The following ZNF566 variants were observed in gnomAD, a reference collection of about 807,000 sequenced individuals.
ZNF566 encodes zinc finger protein 566.
A neutral mutation model predicts 32.8 loss-of-function variants in ZNF566; 27 were observed. That is an observed-to-expected ratio of 0.82 (90% CI 0.61 to 1.14). ZNF566 has a LOEUF of 1.14. Ranked by LOEUF, ZNF566 falls within the 50% of genes most tolerant of loss-of-function variation. The probability of loss-of-function intolerance (pLI) is 0.00; values close to 1 mark genes in which losing one functional copy is unlikely to be tolerated. For synonymous variants in ZNF566, 154 were observed against 159.5 expected, an observed-to-expected ratio of 0.97 and a Z score of 0.26; for missense variants, 402 against 490.4, an observed-to-expected ratio of 0.82 and a Z score of 1.70.
chr19:36,484,943 G>A (rs1391663985), intron 1 of ZNF566, among the ~76,000 whole-genome samples: 1 of 151,932 alleles, frequency 6.6e-6, no homozygotes, highest in African/African-American at 2.4e-5. Flanking sequence ...AATAAAATGG[G>A]AAAAACAGTG....
At chr19:36,478,221 C>T (rs188771852) in intron 1 of ZNF566, among the ~76,000 whole-genome samples, 2 of 152,126 alleles carry the variant, frequency 1.3e-5, no homozygotes, top group East Asian at 3.9e-4. Context: ...CCTAAATGCA[C>T]GCTGATATTA....
chr19:36,480,746 G>A (rs748986866), intron 1 of ZNF566, among the ~76,000 whole-genome samples: 2 of 151,118 alleles, frequency 1.3e-5, no homozygotes, highest in Non-Finnish European at 1.5e-5. Context: ...TAAAAGCTTC[G>A]GGGCCAGGCG....
rs1266100042 is a variant in ZNF566 at position 36,477,539 on chromosome 19, TTGTTTGTTTG to T, written c.-59-933_-59-924del. 4.9e-4 allele frequency among the ~76,000 whole-genome samples: 40 copies of T among 81,132 alleles called. 7 individuals are homozygous for T. Among genetic ancestry groups the T allele is most frequent in the African/African-American group, 1.5e-3 (37 of 24,140 alleles). 53.2% of individuals were successfully genotyped at this position (81,132 alleles called of 152,430 possible). On this transcript the variant is annotated intron_variant, in intron 1 of 4. Coordinates refer to ENST00000452939, the MANE Select transcript of ZNF566 (RefSeq NM_001145344.1). ...TTTTCTGTTTCTGTTTTTTTTTTGT[TTGTTTGTTTG>T]TTTTTTTGAGACGGAGTCTTGCTCT...
At chr19:36,477,034 A>G (rs2033904288) in intron 1 of ZNF566, among the ~76,000 whole-genome samples, 1 of 151,670 alleles carries the variant, frequency 6.6e-6, no homozygotes. Context: ...TTTTTGAGAC[A>G]GAGTCTCACT....
chr19:36,465,087 G>A (rs2033578743), intron 4 of ZNF566, among the ~76,000 whole-genome samples: 1 of 151,868 alleles, frequency 6.6e-6, no homozygotes, highest in South Asian at 2.1e-4. Context: ...AATACAAAAT[G>A]GATCAAAATG....
At position 36,449,840 on chromosome 19, in the gene ZNF566, G is replaced by T; in HGVS notation, c.394C>A (p.Leu132Ile). Residue 132 changes from leucine (L) to isoleucine (I), a missense_variant, in exon 5 of 5, where the codon CTC (leucine) becomes ATC (isoleucine). Leu to Ile is a conservative substitution (Grantham distance 5, BLOSUM62 2). Coordinates refer to ENST00000452939, the MANE Select transcript of ZNF566 (RefSeq NM_001145344.1). ...TTGAAATGTCCCCCCTGAGAGCCGA[G>T]TTCTTTCTTAAACTGCCGATTACAT... is the stretch of plus-strand genomic sequence containing the variant. Reference protein sequence around the residue: ...WECNRQFKKELGSQGGHFNQL... With the variant: ...WECNRQFKKEIGSQGGHFNQL... The T allele has an allele frequency of 6.2e-7, 1 of 1,614,126 alleles. No homozygotes were observed. The highest frequency in any genetic ancestry group is 8.5e-7 in the Non-Finnish European group (1 of 1,180,028).
At chr19:36,479,588 T>G (rs536480611) in intron 1 of ZNF566, among the ~76,000 whole-genome samples, 3 of 152,346 alleles carry the variant, frequency 2.0e-5, no homozygotes, top group South Asian at 4.1e-4. Flanking sequence ...ATATACCATA[T>G]GTACTATAGA....
At chr19:36,487,850 T>C (rs891925826) in intron 1 of ZNF566, among the ~76,000 whole-genome samples, 2 of 138,946 alleles carry the variant, frequency 1.4e-5, no homozygotes, top group South Asian at 2.2e-4. Context: ...TGAGCCAAGA[T>C]TGCATCACTG....
intron 4 of ZNF566, among the ~76,000 whole-genome samples, chr19:36,471,372 C>T (rs2033761147): frequency 6.6e-6 from 1 of 152,094 alleles, no homozygotes; most frequent in African/African-American, 2.4e-5. Flanking sequence ...TCTTTGATCT[C>T]ATCTCCCACC....
chr19:36,458,906 T>A (rs967192398), intron 4 of ZNF566, among the ~76,000 whole-genome samples: 6 of 152,164 alleles, frequency 3.9e-5, no homozygotes, highest in Admixed American at 3.9e-4. Flanking sequence ...CAGGCTGGAG[T>A]GCAATGGCGC....
intron 1 of ZNF566, among the ~76,000 whole-genome samples, chr19:36,487,738 A>G (rs1433856614): frequency 1.3e-5 from 2 of 151,886 alleles, no homozygotes; most frequent in Admixed American, 6.6e-5. Flanking sequence ...TGTCTCTACT[A>G]AAAATACAAA....
chr19:36,451,778 C>A (rs963903449), intron 4 of ZNF566, among the ~76,000 whole-genome samples: 1 of 152,106 alleles, frequency 6.6e-6, no homozygotes, highest in Admixed American at 6.6e-5. Flanking sequence ...GGGGCCGAGG[C>A]GGGCCGATCA....
At chr19:36,483,745 C>T (rs1285486194) in intron 1 of ZNF566, among the ~76,000 whole-genome samples, 1 of 152,074 alleles carries the variant, frequency 6.6e-6, no homozygotes, top group African/African-American at 2.4e-5. Context: ...ATGAACGATT[C>T]GCAAATCAGG....
chr19:36,477,364 G>A (rs1032564229), intron 1 of ZNF566, among the ~76,000 whole-genome samples: 14 of 151,846 alleles, frequency 9.2e-5, no homozygotes, highest in Admixed American at 3.9e-4. Context: ...GCTTTTTCTA[G>A]TTTTTCACTG....
At chr19:36,484,466 A>G (rs781143115) in intron 1 of ZNF566, among the ~76,000 whole-genome samples, 43 of 152,188 alleles carry the variant, frequency 2.8e-4, no homozygotes, top group Non-Finnish European at 5.7e-4. Context: ...GAAATGATAG[A>G]AGGAGAAAAT....
chr19:36,476,714 G>T, intron 1 of ZNF566, 98 bp from the exon 2 acceptor site: 1 of 1,004,442 alleles, frequency 1.0e-6, no homozygotes, highest in Non-Finnish European at 1.4e-6. Context: ...AGAAATGCTT[G>T]TGGGGTATCA....
At chr19:36,467,790 CAAAAAAAAAAAAAA>C (rs560803094) in intron 4 of ZNF566, among the ~76,000 whole-genome samples, 27 of 85,926 alleles carry the variant, frequency 3.1e-4, no homozygotes, top group East Asian at 2.0e-3. Flanking sequence ...GACTCCATCT[CAAAAAAAAAAAAAA>C]AAAAAAAAAA....
intron 1 of ZNF566, among the ~76,000 whole-genome samples, chr19:36,483,714 G>T (rs1020934238): frequency 6.6e-6 from 1 of 152,140 alleles, no homozygotes; most frequent in Non-Finnish European, 1.5e-5. Flanking sequence ...TGAATTAAAT[G>T]TAAAGGAGTT....
chr19:36,472,929 T>G lies in ZNF566; in HGVS notation c.214A>C (p.Thr72Pro), dbSNP rs774646404. 6.2e-7 allele frequency: 1 copy of G among 1,613,930 alleles called. No individual in the cohort carries two copies. Among genetic ancestry groups the G allele is most frequent in the Non-Finnish European group, 8.5e-7 (1 of 1,179,916 alleles). Reference protein sequence around the residue: ...KEPWLADRELTRGQWPVLESR... With the variant: ...KEPWLADRELPRGQWPVLESR... ...CACTTACCTGGCCACTGGCCTCTTG[T>G]TAGCTCTCTGTCAGCCAACCAGGGC... The change falls in exon 4 of 5, where the codon ACA becomes CCA. Residue 72 changes from threonine to proline, a missense_variant. Thr to Pro is a conservative substitution (Grantham distance 38). This residue lies in a region of ZNF566 where 220 missense variants were observed against 241.9 expected (regional missense o/e 0.91). Coordinates refer to ENST00000452939, the MANE Select transcript of ZNF566 (RefSeq NM_001145344.1).
Sources: allele counts gnomAD v4.1 joint callset (sites outside exome capture counted in the v4.1 genomes callset), GRCh38; gene constraint gnomAD v4.1.1; regional missense constraint gnomAD v4.1.1; transcripts MANE v1.5; gene names NCBI Gene and HGNC (gene_info 2026-07-23, HGNC 2026-07-21).